SLCO1B3: variants seen among roughly 807,000 people sequenced by gnomAD.
SLCO1B3 encodes the protein liver-specific organic anion transporter 2.
In SLCO1B3, 72 loss-of-function variants were observed where a neutral mutation model predicts 71.8. That is an observed-to-expected ratio of 1.00 (90% CI 0.83 to 1.22). The LOEUF (loss-of-function observed/expected upper bound fraction) is 1.22. Among genes scored for constraint, SLCO1B3 ranks in the 50% most tolerant of loss-of-function variants. SLCO1B3 has a pLI of 0.00. For missense variants in SLCO1B3, 911 were observed against 819.7 expected (o/e 1.11, Z -1.36); for synonymous variants, 298 against 278.4 (o/e 1.07, Z -0.70).
chr12:20,884,503 A>C (rs1044016192), intron 13 of SLCO1B3, among the ~76,000 whole-genome samples: 1 of 152,072 alleles, frequency 6.6e-6, no homozygotes, highest in Non-Finnish European at 1.5e-5. Flanking sequence ...AGAATTTTTG[A>C]GGAATGAAAA....
chr12:20,856,966 T>A (rs952207059), intron 4 of SLCO1B3, among the ~76,000 whole-genome samples: 1 of 28,686 alleles, frequency 3.5e-5, no homozygotes, highest in Non-Finnish European at 1.6e-4. Context: ...CTGTAATTAT[T>A]TTTTTTTAGG....
chr12:20,855,257 A>G, intron 4 of SLCO1B3, 88 bp downstream of exon 4: 2 of 1,155,580 alleles, frequency 1.7e-6, no homozygotes, highest in South Asian at 1.5e-5. Flanking sequence ...CTGGGTCTGG[A>G]CTAGGTGTAA....
intron 3 of SLCO1B3, among the ~76,000 whole-genome samples, chr12:20,829,257 T>C (rs986265949): frequency 6.6e-6 from 1 of 152,140 alleles, no homozygotes; most frequent in Non-Finnish European, 1.5e-5. Flanking sequence ...TTTTAGTAAT[T>C]AAGGAGAATT....
chr12:20,869,056 G>GT (rs1946127885), intron 8 of SLCO1B3, among the ~76,000 whole-genome samples: 1 of 152,150 alleles, frequency 6.6e-6, no homozygotes. Flanking sequence ...CAGGGAGATG[G>GT]TTAGGCCTCT....
intron 3 of SLCO1B3, among the ~76,000 whole-genome samples, chr12:20,850,642 A>G (rs1865008086): frequency 6.6e-6 from 1 of 152,158 alleles, no homozygotes; most frequent in South Asian, 2.1e-4. Flanking sequence ...TAGTTTTTCT[A>G]TTCGCTGTAT....
At chr12:20,814,996 T>G (rs1478318961) in intron 2 of SLCO1B3, among the ~76,000 whole-genome samples, 2 of 141,500 alleles carry the variant, frequency 1.4e-5, no homozygotes, top group African/African-American at 2.6e-5. Context: ...TTTTTTTTTT[T>G]GCATTTTTCA....
At chr12:20,896,221 C>G (rs201900109) in intron 13 of SLCO1B3, among the ~76,000 whole-genome samples, 1 of 17,746 alleles carries the variant, frequency 5.6e-5, no homozygotes, top group African/African-American at 8.2e-5. Flanking sequence ...TTTCAAATTT[C>G]AGGTATTCAA....
At chr12:20,849,341 C>A (rs4762795) in intron 3 of SLCO1B3, among the ~76,000 whole-genome samples, 109,819 of 151,610 alleles carry the variant, frequency 0.72, 42,344 homozygotes, top group South Asian at 0.9. Context: ...GCATTTGACA[C>A]AAATCCAACA....
chr12:20,915,339 T>C (rs1294145101), intron 15 of SLCO1B3, among the ~76,000 whole-genome samples: 1 of 152,200 alleles, frequency 6.6e-6, no homozygotes, highest in Non-Finnish European at 1.5e-5. Context: ...CTTAGAATTT[T>C]TATCTCTTTA....
Position 20,861,125 on chromosome 12 carries a change from G to C in SLCO1B3, c.468G>C (p.Glu156Asp), listed in dbSNP as rs1428882606. Residue 156 changes from glutamate to aspartate, a missense_variant, in exon 6 of 16, where the codon GAG becomes GAC. Transcript: ENST00000381545. ...TATCATTCAATGGAACATCACCTGA[G>C]ATAGTAGAAAAAGGTAAGAATTAAT... ...QTLSFNGTSP[E>D]IVEKDCVKES... 6.3e-7 allele frequency: 1 copy of C among 1,583,218 alleles called. No homozygotes were observed. The highest frequency in any genetic ancestry group is 8.6e-7 in the Non-Finnish European group (1 of 1,167,286).
At chr12:20,866,103 A>G (rs144049594) in intron 8 of SLCO1B3, among the ~76,000 whole-genome samples, 12 of 152,230 alleles carry the variant, frequency 7.9e-5, no homozygotes, top group East Asian at 7.7e-4. Context: ...TGTAACATCA[A>G]CCTTAAGTAA....
chr12:20,892,182 A>G (rs898882450), intron 13 of SLCO1B3, among the ~76,000 whole-genome samples: 2 of 152,052 alleles, frequency 1.3e-5, no homozygotes, highest in Admixed American at 6.6e-5. Context: ...TAGATAGGCT[A>G]TCTCTCCTTA....
chr12:20,814,766 C>A (rs998324681), intron 2 of SLCO1B3, among the ~76,000 whole-genome samples: 1 of 151,770 alleles, frequency 6.6e-6, no homozygotes, highest in Non-Finnish European at 1.5e-5. Context: ...TGGCACGCAC[C>A]TGCGCCTGTG....
chr12:20,892,000 G>A (rs944793230), intron 13 of SLCO1B3, among the ~76,000 whole-genome samples: 1 of 151,560 alleles, frequency 6.6e-6, no homozygotes, highest in Non-Finnish European at 1.5e-5. Context: ...ATTACTTGAA[G>A]GTCTTATTTC....
At chr12:20,885,524 A>G (rs1865777404) in intron 13 of SLCO1B3, among the ~76,000 whole-genome samples, 1 of 144,478 alleles carries the variant, frequency 6.9e-6, no homozygotes, top group African/African-American at 2.5e-5. Flanking sequence ...AGAAAAATAA[A>G]TCAGAGTCAG....
At chr12:20,844,923 G>A (rs560955590) in intron 3 of SLCO1B3, 13 of 193,654 alleles carry the variant, frequency 6.7e-5, no homozygotes, top group African/African-American at 9.6e-5. Context: ...TCAGCTACTC[G>A]GGAGGCTGAG....
intron 8 of SLCO1B3, among the ~76,000 whole-genome samples, chr12:20,867,678 G>C (rs1374971628): frequency 3.9e-5 from 6 of 152,212 alleles, no homozygotes; most frequent in Non-Finnish European, 5.9e-5. Flanking sequence ...CAACATGGAA[G>C]CTTCTGTAAT....
In SLCO1B3 at chr12:20,873,320, T is replaced by C. The variant is rs12316758; in HGVS notation, c.728-1915T>C. On this transcript the variant is annotated intron_variant, in intron 8 of 15. Transcript: ENST00000381545. The stretch of plus-strand genomic sequence containing the variant: ...TGTGGTCCAAATCTTTGTTTCCCCA[T>C]GGAGGAGCTAAGAGCTGAGATGTTG... Among the ~76,000 whole-genome samples the C allele has an allele frequency of 7.4e-3, 1,121 of 151,702 alleles. 18 individuals are homozygous for C. Among genetic ancestry groups the C allele is most frequent in the African/African-American group, 0.026 (1,070 of 41,512 alleles).
chr12:20,871,047 GA>G (rs1262023716), intron 8 of SLCO1B3, among the ~76,000 whole-genome samples: 3 of 152,144 alleles, frequency 2.0e-5, no homozygotes, highest in Admixed American at 2.0e-4. Flanking sequence ...ACTTGGTCAT[GA>G]TGAAGGATCA....
Sources: gnomAD v4.1 joint callset for allele counts (sites outside exome capture counted in the v4.1 genomes callset) on GRCh38, gnomAD v4.1.1 for gene constraint, MANE v1.5 for transcripts, NCBI Gene and HGNC (gene_info 2026-07-23, HGNC 2026-07-21) for gene names.